SLCO2B1: variants seen among roughly 807,000 people sequenced by gnomAD.
SLCO2B1 encodes the protein solute carrier organic anion transporter family member 2B1.
Under a neutral mutation model 67.3 loss-of-function variants are expected in SLCO2B1, and 41 were observed. The observed-to-expected ratio is 0.61, with a 90% CI of 0.47 to 0.79. The LOEUF is 0.79. SLCO2B1 is among the 30% of genes least tolerant of loss of function. The pLI is 0.00. For synonymous variants in SLCO2B1, 379 were observed against 381.4 expected, an observed-to-expected ratio of 0.99 and a Z score of 0.07; for missense variants, 837 against 920.1, an observed-to-expected ratio of 0.91 and a Z score of 1.17.
At chr11:75,159,161 C>T (rs74671071) in intron 1 of SLCO2B1, among the ~76,000 whole-genome samples, 3,858 of 152,300 alleles carry the variant, frequency 0.025, 172 homozygotes, top group African/African-American at 0.088. Context: ...AGTAGCCCGC[C>T]GGCTGGCTGG....
chr11:75,158,013 A>G (rs1391590106), intron 1 of SLCO2B1, among the ~76,000 whole-genome samples: 1 of 152,118 alleles, frequency 6.6e-6, no homozygotes, highest in Non-Finnish European at 1.5e-5. Context: ...ACCCAAAGAA[A>G]TGGGAAAACG....
At chr11:75,151,419 A>G in intron 1 of SLCO2B1, 22 bp downstream of exon 1, 1 of 1,613,576 alleles carries the variant, frequency 6.2e-7, no homozygotes, top group Non-Finnish European at 8.5e-7. Context: ...CAAATTAAGG[A>G]AGGGCCATGG....
intron 13 of SLCO2B1, 81 bp downstream of exon 13, chr11:75,203,508 A>C: frequency 6.4e-7 from 1 of 1,569,184 alleles, no homozygotes; most frequent in Non-Finnish European, 8.7e-7. Context: ...CAGGGAGGGG[A>C]GGTTTCATTT....
chr11:75,169,476 G>C, intron 5 of SLCO2B1, 70 bp downstream of exon 5: 2 of 1,418,568 alleles, frequency 1.4e-6, no homozygotes, highest in Non-Finnish European at 1.9e-6. Flanking sequence ...GAGAGACCCA[G>C]GGTTGGGGCT....
rs1257876849 is a variant in SLCO2B1, at chr11:75,165,957, C to T, written c.448+8C>T. 2 of 1,611,510 alleles carry T rather than the reference C, an allele frequency of 1.2e-6. No individual in the cohort carries two copies. The highest frequency in any genetic ancestry group is 1.7e-6 in the Non-Finnish European group (2 of 1,178,192). ...ACGACAACACCAGCCCTGGTAAGAG[C>T]AGCAGGGGCTGGGCAGGAGTGGGAC... On this transcript the variant is annotated splice_region_variant and intron_variant, in intron 4 of 13. Coordinates refer to ENST00000289575, the MANE Select transcript of SLCO2B1 (RefSeq NM_007256.5).
chr11:75,167,466 C>G (rs1949906991), intron 4 of SLCO2B1, among the ~76,000 whole-genome samples: 2 of 152,146 alleles, frequency 1.3e-5, no homozygotes, highest in Non-Finnish European at 2.9e-5. Flanking sequence ...GAGCCTCCGT[C>G]TTTACATCAG....
At chr11:75,180,165 C>T (rs1950077066) in intron 7 of SLCO2B1, among the ~76,000 whole-genome samples, 1 of 152,176 alleles carries the variant, frequency 6.6e-6, no homozygotes, top group African/African-American at 2.4e-5. Context: ...TACAGGCATG[C>T]ACCACAATGC....
At chr11:75,173,242 G>A (rs1949986257) in intron 7 of SLCO2B1, among the ~76,000 whole-genome samples, 1 of 152,176 alleles carries the variant, frequency 6.6e-6, no homozygotes, top group African/African-American at 2.4e-5. Flanking sequence ...TTGGGAGGGT[G>A]GGTAGGATCA....
chr11:75,166,306 A>G (rs192041323), intron 4 of SLCO2B1, among the ~76,000 whole-genome samples: 2 of 152,358 alleles, frequency 1.3e-5, no homozygotes, highest in Admixed American at 6.5e-5. Context: ...TACACTACTT[A>G]CTATGCACCA....
chr11:75,167,742 T>C (rs890890210), intron 4 of SLCO2B1, among the ~76,000 whole-genome samples: 3 of 152,106 alleles, frequency 2.0e-5, no homozygotes, highest in African/African-American at 7.2e-5. Context: ...GCAGGGATTA[T>C]CATTACTTCC....
chr11:75,159,809 C>G (rs751162991), intron 1 of SLCO2B1: 2 of 983,274 alleles, frequency 2.0e-6, no homozygotes, highest in Non-Finnish European at 2.4e-6. Context: ...GGATAAAGTA[C>G]TCCCAGGAAG....
chr11:75,186,729 C>T (rs1487034933), intron 7 of SLCO2B1, among the ~76,000 whole-genome samples: 2 of 152,178 alleles, frequency 1.3e-5, no homozygotes, highest in African/African-American at 2.4e-5. Flanking sequence ...AACTAAATTA[C>T]ACTCCACTTG....
At chr11:75,189,356 C>A (rs747054928) in intron 8 of SLCO2B1, among the ~76,000 whole-genome samples, 1 of 152,140 alleles carries the variant, frequency 6.6e-6, no homozygotes, top group Admixed American at 6.5e-5. Context: ...GTTTCCTCAT[C>A]TGGAAGATTG....
chr11:75,172,492 A>G lies in SLCO2B1; in HGVS notation c.895A>G (p.Lys299Glu). ...TGCCATCCCCTACTTCTTCTTCCCCAAGGAAATGCCCAAGGAAAAACGTGA... is the reference window on the plus strand; with the variant it reads ...TGCCATCCCCTACTTCTTCTTCCCCGAGGAAATGCCCAAGGAAAAACGTGA... ...LAAIPYFFFP[K>E]EMPKEKRELQ... Residue 299 changes from lysine to glutamate, a missense_variant, in exon 7 of 14, where the codon AAG becomes GAG. Coordinates refer to ENST00000289575, the MANE Select transcript of SLCO2B1 (RefSeq NM_007256.5). 6.2e-7 allele frequency: 1 copy of G among 1,614,088 alleles called. No individual in the cohort carries two copies. Among genetic ancestry groups the G allele is most frequent in the South Asian group, 1.1e-5 (1 of 91,074 alleles).
intron 7 of SLCO2B1, among the ~76,000 whole-genome samples, chr11:75,181,833 C>A (rs1048832302): frequency 6.6e-6 from 1 of 152,206 alleles, no homozygotes; most frequent in African/African-American, 2.4e-5. Context: ...CACTGCAATC[C>A]CTGCACTGAG....
intron 2 of SLCO2B1, 143 bp from the exon 3 acceptor site, chr11:75,163,820 T>A: frequency 1.1e-6 from 1 of 899,688 alleles, no homozygotes; most frequent in Non-Finnish European, 1.7e-6. Context: ...CTGTCTCTCT[T>A]CTGTTGGTCA....
At chr11:75,184,945 A>T (rs753783598) in intron 7 of SLCO2B1, among the ~76,000 whole-genome samples, 5 of 152,140 alleles carry the variant, frequency 3.3e-5, no homozygotes, top group African/African-American at 4.8e-5. Flanking sequence ...CTTGCAATCC[A>T]TTACTGTTTT....
Position 75,200,266 on chromosome 11 carries a change from G to A in SLCO2B1, c.1642G>A (p.Val548Met), listed in dbSNP as rs149242910. 752 of 1,613,810 alleles carry A rather than the reference G, an allele frequency of 4.7e-4. No homozygotes were observed. Among genetic ancestry groups the A allele is most frequent in the Non-Finnish European group, 6.0e-4 (710 of 1,179,884 alleles). Residue 548 changes from valine (V) to methionine (M), a missense_variant, in exon 11 of 14, where the codon GTG becomes ATG. Transcript: ENST00000289575. ...CAGCTGCGTGGTGGAGGGCAACCCC[G>A]TGCTGGCAGGATCCTGCGACTCAAC... ...NCSCVVEGNP[V>M]LAGSCDSTCS...
intron 7 of SLCO2B1, among the ~76,000 whole-genome samples, chr11:75,173,439 C>T (rs113069951): frequency 4.0e-4 from 61 of 152,354 alleles, no homozygotes; most frequent in African/African-American, 1.4e-3. Context: ...AGTGCAGGCC[C>T]CAGGCTGGAT....
Sources: gnomAD v4.1 joint callset for allele counts (sites outside exome capture counted in the v4.1 genomes callset) on GRCh38, gnomAD v4.1.1 for gene constraint, MANE v1.5 for transcripts, NCBI Gene and HGNC (gene_info 2026-07-23, HGNC 2026-07-21) for gene names.